ST3GAL4: variants seen among roughly 807,000 people sequenced by gnomAD.
The protein encoded by ST3GAL4 is CMP-N-acetylneuraminate-beta-galactosamide-alpha-2,3-sialyltransferase 4.
A neutral mutation model predicts 42.6 loss-of-function variants in ST3GAL4; 24 were observed. The observed-to-expected ratio is 0.56, with a 90% CI of 0.41 to 0.79. The LOEUF (loss-of-function observed/expected upper bound fraction) is 0.79, where lower values mean the gene tolerates loss of function less well. ST3GAL4 is among the 30% of genes least tolerant of loss of function. The pLI, the probability that ST3GAL4 is intolerant of heterozygous loss-of-function variation, is 0.00. For synonymous variants in ST3GAL4, 135 were observed against 163.2 expected (o/e 0.83, Z 1.32); for missense variants, 311 against 430.8 (o/e 0.72, Z 2.46).
In ST3GAL4 at chr11:126,410,898, C is replaced by A. The variant is rs764180306; in HGVS notation, c.771+1487C>A. Among the ~76,000 whole-genome samples, 1 of 152,138 alleles carries A rather than the reference C, an allele frequency of 6.6e-6. No homozygotes were observed. The highest frequency in any genetic ancestry group is 1.5e-5 in the Non-Finnish European group (1 of 68,016). ...GGGAGGCTCCCCAGAGGAGGTGGTG[C>A]TGGAGCCGGGCCTGGAAGGATCAGG... On this transcript the variant is annotated intron_variant, in intron 9 of 10. Coordinates refer to ENST00000444328, the MANE Select transcript of ST3GAL4 (RefSeq NM_001254757.2). The surrounding 1 kb of genome is among the most constrained non-coding windows in gnomAD (Gnocchi z 5.3).
chr11:126,395,479 C>T (rs1953708740), intron 1 of ST3GAL4, among the ~76,000 whole-genome samples: 1 of 152,108 alleles, frequency 6.6e-6, no homozygotes, highest in Non-Finnish European at 1.5e-5. Context: ...GCCTAGCTAG[C>T]CCCCTAGACC....
rs1203934845 is a variant in ST3GAL4 at position 126,359,254 on chromosome 11, A to G, written c.-61+3412A>G. 1.3e-5 allele frequency among the ~76,000 whole-genome samples: 2 copies of G among 151,908 alleles called. No homozygotes were observed. The highest frequency in any genetic ancestry group is 2.9e-5 in the Non-Finnish European group (2 of 68,008). On this transcript the variant is annotated intron_variant, in intron 1 of 10. Transcript: ENST00000444328. The surrounding 1 kb of genome is among the most constrained non-coding windows in gnomAD (Gnocchi z 4.8). ...CTCAGCAAATAACAAAAATATTACC[A>G]TTTAGCAATCAGGCACTTATTAAAA...
chr11:126,413,691 G>T, intron 10 of ST3GAL4, 43 bp downstream of exon 10: 2 of 1,608,242 alleles, frequency 1.2e-6, no homozygotes, highest in Non-Finnish European at 8.5e-7. Flanking sequence ...GGGCGTGGAC[G>T]GGCAGACAGT....
Position 126,407,026 on chromosome 11 carries a change from A to G in ST3GAL4, c.182+3A>G, listed in dbSNP as rs998394682. 2.5e-6 allele frequency: 4 copies of G among 1,613,162 alleles called. No individual in the cohort carries two copies. In the African/African-American group the frequency reaches 5.3e-5, roughly 22 times the overall value. On this transcript the variant is annotated splice_donor_region_variant and intron_variant, in intron 4 of 10. Coordinates refer to ENST00000444328, the MANE Select transcript of ST3GAL4 (RefSeq NM_001254757.2). ...AAGGCCTCTAAGCTCTTTGGCAAGT[A>G]AGTACTTAAGGATGAGGAGGGTAGA...
chr11:126,383,229 C>CT lies in ST3GAL4; in HGVS notation c.-60-22866dup, dbSNP rs1953075364. On this transcript the variant is annotated intron_variant, in intron 1 of 10. Coordinates refer to ENST00000444328, the MANE Select transcript of ST3GAL4 (RefSeq NM_001254757.2). This position sits in a 1 kb window ranked among gnomAD's most constrained non-coding sequence, Gnocchi z 4.5. ...GAATCTTTCTGGGAGCTGAGCCTGG[C>CT]TGGGCAGAGGGCGAGGAGCCCAGGA... Among the ~76,000 whole-genome samples, 1 of 152,200 alleles carries CT rather than the reference C, an allele frequency of 6.6e-6. No individual in the cohort carries two copies. Among genetic ancestry groups the CT allele is most frequent in the Non-Finnish European group, 1.5e-5 (1 of 68,018 alleles).
Position 126,396,338 on chromosome 11 carries a change from C to T in ST3GAL4, c.-60-9758C>T, listed in dbSNP as rs193189349. Among the ~76,000 whole-genome samples the T allele has an allele frequency of 8.6e-3, 1,306 of 152,020 alleles. 19 individuals carry two copies. The highest frequency in any genetic ancestry group is 0.03 in the African/African-American group (1,250 of 41,268). ...GGTTCGGCAGGGAAGCCAGAGGAGTCCGCAGCCCGGGAGACCTGGCCTACA... is the reference window on the plus strand; with the variant it reads ...GGTTCGGCAGGGAAGCCAGAGGAGTTCGCAGCCCGGGAGACCTGGCCTACA... On this transcript the variant is annotated intron_variant, in intron 1 of 10. Transcript: ENST00000444328. This position sits in a 1 kb window ranked among gnomAD's most constrained non-coding sequence, Gnocchi z 5.8.
intron 1 of ST3GAL4, among the ~76,000 whole-genome samples, chr11:126,402,634 T>G (rs1004373890): frequency 6.6e-6 from 1 of 152,154 alleles, no homozygotes; most frequent in Admixed American, 6.5e-5. Context: ...GGGCTGGGCA[T>G]CATACTGTGC....
intron 4 of ST3GAL4, 40 bp from the exon 5 acceptor site, chr11:126,407,212 A>G: frequency 6.2e-7 from 1 of 1,604,994 alleles, no homozygotes; most frequent in Non-Finnish European, 8.5e-7. Flanking sequence ...ATCAAGATTA[A>G]TTCTGTTCTC....
At chr11:126,403,203 C>T (rs994980877) in intron 1 of ST3GAL4, 3 of 197,208 alleles carry the variant, frequency 1.5e-5, no homozygotes, top group African/African-American at 7.1e-5. Flanking sequence ...GCCCAGCAAG[C>T]CCCAAGACTC....
chr11:126,360,276 A>G (rs2135369560), intron 1 of ST3GAL4, among the ~76,000 whole-genome samples: 1 of 152,352 alleles, frequency 6.6e-6, no homozygotes, highest in South Asian at 2.1e-4. Context: ...ACGAGGGCAG[A>G]GGCTGAGGGA....
Position 126,411,311 on chromosome 11 carries a change from A to G in ST3GAL4, c.771+1900A>G, listed in dbSNP as rs1954513885. 6.6e-6 allele frequency among the ~76,000 whole-genome samples: 1 copy of G among 152,012 alleles called. No individual in the cohort carries two copies. Among genetic ancestry groups the G allele is most frequent in the Non-Finnish European group, 1.5e-5 (1 of 67,992 alleles). Reference sequence around the variant, plus strand: ...CAGGCATGTACCACCACACCTGGCTAATTTTTGTATTTTTACGAAAATACA... The same window carrying G: ...CAGGCATGTACCACCACACCTGGCTGATTTTTGTATTTTTACGAAAATACA... On this transcript the variant is annotated intron_variant, in intron 9 of 10. Transcript: ENST00000444328. This position sits in a 1 kb window ranked among gnomAD's most constrained non-coding sequence, Gnocchi z 6.3.
In ST3GAL4 at chr11:126,374,036, A is replaced by G. The variant is rs142349444; in HGVS notation, c.-61+18194A>G. On this transcript the variant is annotated intron_variant, in intron 1 of 10. Transcript: ENST00000444328. ...GAGAGCCTGCTGGGTGCCGGGCACTATTGTCAACATGGGTAATACAGCAGC... is the reference window on the plus strand; with the variant it reads ...GAGAGCCTGCTGGGTGCCGGGCACTGTTGTCAACATGGGTAATACAGCAGC... 1.4e-4 allele frequency among the ~76,000 whole-genome samples: 22 copies of G among 152,160 alleles called. No individual in the cohort carries two copies. The East Asian group carries it at 3.9e-3, about 27-fold the overall frequency.
At chr11:126,372,889 A>G (rs1952709512) in intron 1 of ST3GAL4, among the ~76,000 whole-genome samples, 1 of 152,208 alleles carries the variant, frequency 6.6e-6, no homozygotes, top group Non-Finnish European at 1.5e-5. Flanking sequence ...TGCTATGAAC[A>G]TGGGTGTACA....
Position 126,370,050 on chromosome 11 carries a change from G to A in ST3GAL4, c.-61+14208G>A, listed in dbSNP as rs1952585785. Reference sequence around the variant, plus strand: ...GCCTAATTTTTTAAAACAGGTGCCTGTGCATAGATTTCATGTTTCCATCTT... The same window carrying A: ...GCCTAATTTTTTAAAACAGGTGCCTATGCATAGATTTCATGTTTCCATCTT... On this transcript the variant is annotated intron_variant, in intron 1 of 10. Transcript: ENST00000444328. Among the ~76,000 whole-genome samples, 6 of 152,322 alleles carry A rather than the reference G, an allele frequency of 3.9e-5. No homozygotes were observed. The South Asian group carries it at 1.0e-3, about 26-fold the overall frequency.
rs7933887 is a variant in ST3GAL4 at position 126,405,869 on chromosome 11, C to G, written c.-60-227C>G. 8.3e-4 allele frequency: 478 copies of G among 575,784 alleles called. 3 individuals are homozygous for G. The highest frequency in any genetic ancestry group is 1.1e-3 in the Non-Finnish European group (354 of 327,100). 35.7% of individuals were successfully genotyped at this position (575,784 alleles called of 1,614,324 possible). A position where few individuals can be genotyped will look rare whatever the true frequency, so the allele number is the denominator to read the frequency against. ...CCGAGTCCCGAGTCCCTGGCTGGAC[C>G]CTCGGTTTTCCCTTCCGTGGCAGGG... is the stretch of plus-strand genomic sequence containing the variant. On this transcript the variant is annotated intron_variant, in intron 1 of 10. Coordinates refer to ENST00000444328, the MANE Select transcript of ST3GAL4 (RefSeq NM_001254757.2).
chr11:126,408,135 G>T lies in ST3GAL4; in HGVS notation c.378G>T (p.Gly126=). The change falls in exon 7 of 11, where the codon GGG becomes GGT. Residue 126 remains glycine, a synonymous_variant. Transcript: ENST00000444328. ...GCCGCTGTGTGGTCGTGGGGAACGG[G>T]CACCGGCTGCGGAACAGCTCACTGG... The part of the protein sequence containing the change: ...RCRRCVVVGN[G]HRLRNSSLGD... 1 of 1,614,146 alleles carries T rather than the reference G, an allele frequency of 6.2e-7. No individual in the cohort carries two copies. The highest frequency in any genetic ancestry group is 8.5e-7 in the Non-Finnish European group (1 of 1,180,036).
rs58153137 is a variant in ST3GAL4 at position 126,390,618 on chromosome 11, C to CTTTT, written c.-60-15462_-60-15459dup. Among the ~76,000 whole-genome samples the CTTTT allele has an allele frequency of 4.3e-3, 549 of 126,560 alleles. 8 individuals are homozygous for CTTTT. The highest frequency in any genetic ancestry group is 0.024 in the East Asian group (104 of 4,392). The allele number at this position is 126,560 out of a possible 152,430, so 83.0% of individuals were successfully genotyped here. ...GTGAATTGCCTTTTTGTGTTCTTTG[C>CTTTT]TTTTTTTTTTTTTTTTTTTATTTCT... On this transcript the variant is annotated intron_variant, in intron 1 of 10. Coordinates refer to ENST00000444328, the MANE Select transcript of ST3GAL4 (RefSeq NM_001254757.2).
chr11:126,360,632 C>T (rs964003595), intron 1 of ST3GAL4, among the ~76,000 whole-genome samples: 5 of 152,172 alleles, frequency 3.3e-5, no homozygotes, highest in African/African-American at 9.7e-5. Context: ...TCATGTTGGC[C>T]AGGCTGGTCT....
rs755393088 is a variant in ST3GAL4, at chr11:126,406,456, C to T, written c.17-17C>T. 1.2e-6 allele frequency: 2 copies of T among 1,614,062 alleles called. No individual in the cohort carries two copies. Among genetic ancestry groups the T allele is most frequent in the African/African-American group, 1.3e-5 (1 of 74,934 alleles). On this transcript the variant is annotated splice_polypyrimidine_tract_variant and intron_variant, in intron 2 of 10. Coordinates refer to ENST00000444328, the MANE Select transcript of ST3GAL4 (RefSeq NM_001254757.2). The surrounding 1 kb of genome is among the most constrained non-coding windows in gnomAD (Gnocchi z 5.4). Reference sequence around the variant, plus strand: ...GCCTGTTGCTGCCTCTAGCTCCTCTCTGCATGTGTCCTGCAGGCTGGAAGC... The same window carrying T: ...GCCTGTTGCTGCCTCTAGCTCCTCTTTGCATGTGTCCTGCAGGCTGGAAGC...
Sources: gnomAD v4.1 joint callset for allele counts (sites outside exome capture counted in the v4.1 genomes callset) on GRCh38, gnomAD v4.1.1 for gene constraint, Gnocchi (gnomAD v3.1) non-coding constraint, MANE v1.5 for transcripts, NCBI Gene and HGNC (gene_info 2026-07-23, HGNC 2026-07-21) for gene names.